Variants in DOK5 observed in about 807,000 individuals in gnomAD.
DOK5 encodes the protein downstream of tyrosine kinase 5.
A neutral mutation model predicts 43.3 loss-of-function variants in DOK5; 27 were observed. The observed-to-expected ratio is 0.62, with a 90% confidence interval of 0.46 to 0.86. The LOEUF (loss-of-function observed/expected upper bound fraction) is 0.86, where lower values mean the gene tolerates loss of function less well. Ranked by LOEUF, DOK5 falls within the 40% of genes least tolerant of loss-of-function variation. The pLI, the probability that DOK5 is intolerant of heterozygous loss-of-function variation, is 0.00. For synonymous variants in DOK5, 146 were observed against 140.1 expected (o/e 1.04, Z -0.30); for missense variants, 373 against 392.9 (o/e 0.95, Z 0.43).
intron 1 of DOK5, among the ~76,000 whole-genome samples, chr20:54,518,930 G>A (rs1042603787): frequency 1.3e-5 from 2 of 152,148 alleles, no homozygotes; most frequent in East Asian, 3.8e-4. Flanking sequence ...AGGCATTTAT[G>A]CAGCCAAAAG....
At chr20:54,499,355 A>G (rs1282299981) in intron 1 of DOK5, among the ~76,000 whole-genome samples, 2 of 152,236 alleles carry the variant, frequency 1.3e-5, no homozygotes, top group African/African-American at 4.8e-5. Context: ...AGTTACAGAC[A>G]GGGTAAAGGA....
Position 54,488,001 on chromosome 20 carries a change from G to T in DOK5, c.66+11989G>T, listed in dbSNP as rs1982009632. On this transcript the variant is annotated intron_variant, in intron 1 of 7. Transcript: ENST00000262593. ...AACACCATACATTCATTCAATAAAA[G>T]AAATTTATTTTCCAAACTTTTAAGA... 2.6e-5 allele frequency among the ~76,000 whole-genome samples: 4 copies of T among 152,272 alleles called. No homozygotes were observed. The South Asian group carries it at 8.3e-4, about 32-fold the overall frequency.
chr20:54,545,378 T>G (rs184770456), intron 1 of DOK5, among the ~76,000 whole-genome samples: 4 of 152,226 alleles, frequency 2.6e-5, no homozygotes, highest in Admixed American at 2.6e-4. Flanking sequence ...AGCCTGAAAG[T>G]GACAGAGGAG....
chr20:54,622,208 T>G (rs371366493), intron 6 of DOK5, among the ~76,000 whole-genome samples: 62 of 147,826 alleles, frequency 4.2e-4, no homozygotes, highest in African/African-American at 1.5e-3. Flanking sequence ...AAAGAAAAAA[T>G]AAAAAAAATA....
intron 4 of DOK5, among the ~76,000 whole-genome samples, chr20:54,590,113 G>T (rs1985933217): frequency 1.3e-5 from 2 of 152,114 alleles, no homozygotes; most frequent in Admixed American, 1.3e-4. Flanking sequence ...TTGTATTTGG[G>T]GAAGCAGTAT....
intron 1 of DOK5, among the ~76,000 whole-genome samples, chr20:54,477,063 G>A (rs534079510): frequency 1.3e-5 from 2 of 151,810 alleles, no homozygotes; most frequent in South Asian, 2.1e-4. Context: ...GGGGGCGGGG[G>A]GAGAAAATAT....
intron 7 of DOK5, among the ~76,000 whole-genome samples, chr20:54,649,556 A>G (rs1053513222): frequency 1.4e-5 from 2 of 147,768 alleles, no homozygotes; most frequent in African/African-American, 4.9e-5. Flanking sequence ...AGTTTGTTCC[A>G]AAGGCTTTGC....
intron 1 of DOK5, among the ~76,000 whole-genome samples, chr20:54,488,793 C>T (rs918577926): frequency 6.7e-6 from 1 of 148,630 alleles, no homozygotes; most frequent in Non-Finnish European, 1.5e-5. Flanking sequence ...TCCCTCCCTC[C>T]CTTCCTACCT....
At chr20:54,504,743 G>A (rs1191466100) in intron 1 of DOK5, among the ~76,000 whole-genome samples, 5 of 152,170 alleles carry the variant, frequency 3.3e-5, no homozygotes. Context: ...TTTATCTGTA[G>A]ACAGAGCTCT....
At chr20:54,609,295 C>T (rs1333892962) in intron 5 of DOK5, among the ~76,000 whole-genome samples, 1 of 152,150 alleles carries the variant, frequency 6.6e-6, no homozygotes. Flanking sequence ...GCAAGAAATT[C>T]TGAAATGGAA....
At chr20:54,557,539 C>G (rs568381212) in intron 2 of DOK5, among the ~76,000 whole-genome samples, 1 of 152,134 alleles carries the variant, frequency 6.6e-6, no homozygotes, top group East Asian at 1.9e-4. Context: ...CTGGTCAATG[C>G]GATCACGCGA....
At chr20:54,494,208 C>T (rs954075692) in intron 1 of DOK5, among the ~76,000 whole-genome samples, 13 of 152,272 alleles carry the variant, frequency 8.5e-5, no homozygotes, top group Admixed American at 2.6e-4. Flanking sequence ...CTCAGCTCTT[C>T]GCTTTATTGT....
chr20:54,487,643 T>C (rs903032058), intron 1 of DOK5, among the ~76,000 whole-genome samples: 2 of 152,176 alleles, frequency 1.3e-5, no homozygotes, highest in African/African-American at 2.4e-5. Context: ...TCTTTACTTA[T>C]AGCCGCCAAA....
At chr20:54,516,644 T>C (rs575890774) in intron 1 of DOK5, among the ~76,000 whole-genome samples, 7 of 152,250 alleles carry the variant, frequency 4.6e-5, no homozygotes, top group South Asian at 2.1e-4. Context: ...ACTCTGACAG[T>C]TTGACCCCAG....
rs571182085 is a variant in DOK5 at position 54,542,516 on chromosome 20, C to T, written c.67-12417C>T. Among the ~76,000 whole-genome samples, 12 of 152,284 alleles carry T rather than the reference C, an allele frequency of 7.9e-5. No homozygotes were observed. In the East Asian group the frequency reaches 9.6e-4, roughly 12 times the overall value. ...AAGCATATATAACTTTCTGTTTTAGCGCTTGCTTGGTTGACACTGGTCAAC... is the reference window on the plus strand; with the variant it reads ...AAGCATATATAACTTTCTGTTTTAGTGCTTGCTTGGTTGACACTGGTCAAC... On this transcript the variant is annotated intron_variant, in intron 1 of 7. Coordinates refer to ENST00000262593, the MANE Select transcript of DOK5 (RefSeq NM_018431.5).
intron 6 of DOK5, 60 bp from the exon 7 acceptor site, chr20:54,643,398 A>T (rs573604309): frequency 6.3e-7 from 1 of 1,595,632 alleles, no homozygotes; most frequent in African/African-American, 1.3e-5. Context: ...CTGTTTCCTC[A>T]GTCAGGCCAC....
chr20:54,628,510 G>A (rs1185496193), intron 6 of DOK5, among the ~76,000 whole-genome samples: 2 of 145,844 alleles, frequency 1.4e-5, no homozygotes, highest in South Asian at 2.2e-4. Flanking sequence ...GAAAGAGGAG[G>A]AACCAGAACT....
intron 1 of DOK5, among the ~76,000 whole-genome samples, chr20:54,496,732 C>T (rs920614317): frequency 6.9e-6 from 1 of 145,460 alleles, no homozygotes; most frequent in Admixed American, 7.0e-5. Context: ...CACCACTGCA[C>T]TCCAGGCTGG....
chr20:54,548,088 C>A (rs553351471), intron 1 of DOK5, among the ~76,000 whole-genome samples: 9 of 152,084 alleles, frequency 5.9e-5, no homozygotes, highest in African/African-American at 9.7e-5. Context: ...GATAACCCCC[C>A]ACTAGAAAGA....
Sources: gnomAD v4.1 joint callset for allele counts (sites outside exome capture counted in the v4.1 genomes callset) on GRCh38, gnomAD v4.1.1 for gene constraint, MANE v1.5 for transcripts, NCBI Gene and HGNC (gene_info 2026-07-23, HGNC 2026-07-21) for gene names.